ATOX1: variants seen among roughly 807,000 people sequenced by gnomAD.
The protein encoded by ATOX1 is copper transport protein ATOX1.
ATOX1 carries 4 observed loss-of-function variants against 7.3 expected under a neutral mutation model. The observed-to-expected ratio is 0.55, with a 90% CI of 0.27 to 1.25. ATOX1 has a LOEUF of 1.25. ATOX1 is among the 50% of genes most tolerant of loss of function. The pLI is 0.12. For synonymous variants in ATOX1, 25 were observed against 28.7 expected (o/e 0.87, Z 0.41); for missense variants, 68 against 81.6 (o/e 0.83, Z 0.64).
chr5:151,746,979 C>T (rs530723661), intron 2 of ATOX1, among the ~76,000 whole-genome samples: 1 of 152,210 alleles, frequency 6.6e-6, no homozygotes, highest in African/African-American at 2.4e-5. Flanking sequence ...AGTGATCTGC[C>T]CGCCTTGGCC....
chr5:151,746,450 C>T lies in ATOX1; in HGVS notation c.83-1G>A. ...GGCAGGTCAATGTCATACTTAACTC[C>T]TGCAGGAAGAGGAAATGGGGTATGG... On this transcript the variant is annotated splice_acceptor_variant, in intron 2 of 3. Transcript: ENST00000313115. LOFTEE classifies it high-confidence loss of function. The T allele has an allele frequency of 6.2e-7, 1 of 1,613,736 alleles. No homozygotes were observed. Among genetic ancestry groups the T allele is most frequent in the East Asian group, 2.2e-5 (1 of 44,880 alleles).
At chr5:151,752,053 A>G in intron 1 of ATOX1, 1 of 597,042 alleles carries the variant, frequency 1.7e-6, no homozygotes. Flanking sequence ...CTGGAGATCT[A>G]GTTTAAAATG....
chr5:151,758,568 G>T lies in ATOX1; in HGVS notation c.-17C>A, dbSNP rs1202732384. 1 of 1,414,644 alleles carries T rather than the reference G, an allele frequency of 7.1e-7. No individual in the cohort carries two copies. The highest frequency in any genetic ancestry group is 9.3e-7 in the Non-Finnish European group (1 of 1,078,026). 87.6% of individuals were successfully genotyped at this position (1,414,644 alleles called of 1,614,324 possible). Reference sequence around the variant, plus strand: ...CACCGGCATGACTGAGGCAGCGGCGGTGTGGCGGCGGTGTGGCGGCGGTGT... The same window carrying T: ...CACCGGCATGACTGAGGCAGCGGCGTTGTGGCGGCGGTGTGGCGGCGGTGT... On this transcript the variant is annotated 5_prime_UTR_variant, in exon 1 of 4. Coordinates refer to ENST00000313115, the MANE Select transcript of ATOX1 (RefSeq NM_004045.4).
At chr5:151,752,959 T>C (rs536531622) in intron 1 of ATOX1, among the ~76,000 whole-genome samples, 1 of 152,188 alleles carries the variant, frequency 6.6e-6, no homozygotes, top group African/African-American at 2.4e-5. Context: ...GTGTGTCTTA[T>C]AGAATATGGC....
intron 3 of ATOX1, chr5:151,743,436 C>T (rs1395178370): frequency 6.6e-5 from 10 of 152,220 alleles, no homozygotes; most frequent in Non-Finnish European, 1.2e-4. Context: ...TGAGGAGCCT[C>T]TTAAAACAGA....
chr5:151,754,883 C>T (rs1193811779), intron 1 of ATOX1, among the ~76,000 whole-genome samples: 1 of 149,684 alleles, frequency 6.7e-6, no homozygotes, highest in East Asian at 2.0e-4. Flanking sequence ...ACTCAAGAGG[C>T]TGAGGCAGGA....
intron 3 of ATOX1, chr5:151,744,046 G>C (rs1387911343): frequency 6.6e-6 from 1 of 152,190 alleles, no homozygotes; most frequent in Non-Finnish European, 1.5e-5. Context: ...GAAAAAGGCA[G>C]ACACAAAAAG....
intron 1 of ATOX1, among the ~76,000 whole-genome samples, chr5:151,756,311 C>T (rs1351984430): frequency 3.3e-5 from 5 of 152,002 alleles, no homozygotes; most frequent in Non-Finnish European, 2.9e-5. Context: ...CACGGTGATT[C>T]GGCTGAGTAG....
At chr5:151,753,607 G>T (rs1390280967) in intron 1 of ATOX1, among the ~76,000 whole-genome samples, 1 of 152,198 alleles carries the variant, frequency 6.6e-6, no homozygotes, top group Non-Finnish European at 1.5e-5. Flanking sequence ...CTCTGCTCCA[G>T]AAGGGCTCCA....
intron 1 of ATOX1, chr5:151,752,028 A>C: frequency 1.7e-6 from 1 of 597,816 alleles, no homozygotes; most frequent in Non-Finnish European, 3.0e-6. Flanking sequence ...TCTGGCACAT[A>C]GTAAATAGAA....
intron 2 of ATOX1, among the ~76,000 whole-genome samples, chr5:151,751,195 G>A (rs1761944138): frequency 6.8e-6 from 1 of 147,628 alleles, no homozygotes; most frequent in Non-Finnish European, 1.5e-5. Context: ...GGCGGAGGTT[G>A]CAACAAGCCG....
chr5:151,744,006 G>C (rs1227329439), intron 3 of ATOX1: 1 of 152,158 alleles, frequency 6.6e-6, no homozygotes, highest in Non-Finnish European at 1.5e-5. Context: ...GCTATGACTT[G>C]AATGAATCTT....
intron 3 of ATOX1, chr5:151,745,222 C>A (rs973072533): frequency 6.6e-6 from 1 of 152,166 alleles, no homozygotes; most frequent in Non-Finnish European, 1.5e-5. Context: ...GTGTGGCTAG[C>A]CTCTGTCCAG....
intron 2 of ATOX1, among the ~76,000 whole-genome samples, chr5:151,747,884 C>T (rs756921483): frequency 1.3e-5 from 2 of 152,104 alleles, no homozygotes; most frequent in Non-Finnish European, 2.9e-5. Flanking sequence ...CCACAGTGCC[C>T]GGCCCTATTC....
Position 151,746,625 on chromosome 5 carries a change from G to A in ATOX1, c.83-176C>T, listed in dbSNP as rs184011302. On this transcript the variant is annotated intron_variant, in intron 2 of 3. Transcript: ENST00000313115. ...GAAAGCAAATGTTTTAGGCATTGTG[G>A]GTCACATATAGACTCTGTTGTATAT... The A allele has an allele frequency of 1.3e-3, 875 of 689,044 alleles. 1 individual carries two copies. The highest frequency in any genetic ancestry group is 1.8e-3 in the Non-Finnish European group (756 of 416,660). The allele number at this position is 689,044 out of a possible 1,614,324, so 42.7% of individuals were successfully genotyped here. A position where few individuals can be genotyped will look rare whatever the true frequency, so the allele number is the denominator to read the frequency against.
intron 3 of ATOX1, chr5:151,743,393 T>G (rs1761844243): frequency 6.6e-6 from 1 of 152,226 alleles, no homozygotes; most frequent in Non-Finnish European, 1.5e-5. Flanking sequence ...ACTCTATCTT[T>G]GAGGTTCCCA....
intron 2 of ATOX1, among the ~76,000 whole-genome samples, chr5:151,749,816 C>G (rs187214731): frequency 4.6e-5 from 7 of 152,240 alleles, no homozygotes; most frequent in Admixed American, 4.6e-4. Flanking sequence ...TAGGTTCTTT[C>G]CACTGTTTCA....
chr5:151,751,947 T>C (rs1416646582), intron 1 of ATOX1, 168 bp from the exon 2 acceptor site: 4 of 631,094 alleles, frequency 6.3e-6, no homozygotes, highest in Non-Finnish European at 1.1e-5. Context: ...TCTTCAACTA[T>C]AGAGTAGCTA....
chr5:151,757,513 A>G (rs1270476125), intron 1 of ATOX1, among the ~76,000 whole-genome samples: 1 of 152,226 alleles, frequency 6.6e-6, no homozygotes, highest in Non-Finnish European at 1.5e-5. Flanking sequence ...TCTGCCCAGG[A>G]GGCCTCAGGC....
Sources: gnomAD v4.1 joint callset for allele counts (sites outside exome capture counted in the v4.1 genomes callset) on GRCh38, gnomAD v4.1.1 for gene constraint, MANE v1.5 for transcripts, NCBI Gene and HGNC (gene_info 2026-07-23, HGNC 2026-07-21) for gene names.